CLTCL1: variants seen among roughly 807,000 people sequenced by gnomAD.
The protein encoded by CLTCL1 is clathrin heavy chain like 1, also known as clathrin heavy chain 2.
A neutral mutation model predicts 190.0 loss-of-function variants in CLTCL1; 159 were observed. The observed-to-expected ratio is 0.84, with a 90% CI of 0.74 to 0.95. The LOEUF (loss-of-function observed/expected upper bound fraction) is 0.95. CLTCL1 is among the 40% of genes least tolerant of loss of function. The pLI is 0.00. For synonymous variants in CLTCL1, 752 were observed against 769.6 expected, an observed-to-expected ratio of 0.98 and a Z score of 0.38; for missense variants, 1,878 against 2,033.4, an observed-to-expected ratio of 0.92 and a Z score of 1.47.
chr22:19,234,781 G>A (rs1414851307), intron 6 of CLTCL1, 75 bp from the exon 7 acceptor site: 59 of 1,282,060 alleles, frequency 4.6e-5, no homozygotes, highest in Middle Eastern at 1.9e-4. Flanking sequence ...GTTCCCTTCC[G>A]ATGCTGGAGT....
At chr22:19,279,776 T>TA (rs1463588815) in intron 1 of CLTCL1, among the ~76,000 whole-genome samples, 4 of 152,242 alleles carry the variant, frequency 2.6e-5, no homozygotes, top group African/African-American at 9.6e-5. Flanking sequence ...CATATTTACT[T>TA]AATCTCTTGT....
chr22:19,251,623 A>AT (rs1555970072), intron 3 of CLTCL1, among the ~76,000 whole-genome samples: 2 of 152,038 alleles, frequency 1.3e-5, no homozygotes, highest in African/African-American at 2.4e-5. Context: ...TGCCCGGCTA[A>AT]TTTTTTGTAT....
At chr22:19,280,776 G>A (rs574225927) in intron 1 of CLTCL1, among the ~76,000 whole-genome samples, 76 of 135,790 alleles carry the variant, frequency 5.6e-4, no homozygotes, top group South Asian at 1.2e-3. Context: ...CTGAGATTGT[G>A]CCACTGTACT....
intron 1 of CLTCL1, among the ~76,000 whole-genome samples, chr22:19,280,039 G>C (rs1235867115): frequency 1.3e-5 from 2 of 152,062 alleles, no homozygotes; most frequent in Non-Finnish European, 2.9e-5. Context: ...TCATATACAG[G>C]GACTGTTTTA....
rs782624729 is a variant in CLTCL1, at chr22:19,233,308, G to A, written c.1379C>T (p.Ser460Leu). Residue 460 changes from serine (S) to leucine (L), a missense_variant, in exon 9 of 33, where the codon TCA becomes TTA. Coordinates refer to ENST00000427926, the MANE Select transcript of CLTCL1 (RefSeq NM_007098.4). Reference sequence around the variant, plus strand: ...TTTGACCAAGTCTCCGAGCTCCTCTGAGCACTCCAGCTGTGGTATGCCAAG... The same window carrying A: ...TTTGACCAAGTCTCCGAGCTCCTCTAAGCACTCCAGCTGTGGTATGCCAAG... ...KWLKEDKLEC[S>L]EELGDLVKTT... 3 of 1,613,090 alleles carry A rather than the reference G, an allele frequency of 1.9e-6. No individual in the cohort carries two copies. The African/African-American group carries it at 4.0e-5, about 22-fold the overall frequency.
rs377448902 is a variant in CLTCL1, at chr22:19,233,768, G to A, written c.1168-146C>T. 91 of 693,118 alleles carry A rather than the reference G, an allele frequency of 1.3e-4. No individual in the cohort carries two copies. In the African/African-American group the frequency reaches 1.5e-3, roughly 11 times the overall value. The allele number at this position is 693,118 out of a possible 1,614,324, so 42.9% of individuals were successfully genotyped here. On this transcript the variant is annotated intron_variant, in intron 7 of 32. Coordinates refer to ENST00000427926, the MANE Select transcript of CLTCL1 (RefSeq NM_007098.4). ...CAAAAAGTCCTCTACCAAGGCAACT[G>A]CTTCTATCTTCAACAATAACCATAA...
At chr22:19,277,857 A>G (rs1458244359) in intron 1 of CLTCL1, among the ~76,000 whole-genome samples, 1 of 152,150 alleles carries the variant, frequency 6.6e-6, no homozygotes, top group Non-Finnish European at 1.5e-5. Flanking sequence ...TCAGTCCCAT[A>G]AGACTGACTA....
chr22:19,266,596 A>G (rs1555978047), intron 2 of CLTCL1, among the ~76,000 whole-genome samples: 1 of 152,216 alleles, frequency 6.6e-6, no homozygotes, highest in African/African-American at 2.4e-5. Context: ...TTACAAAGTC[A>G]CAAAAGGACA....
intron 3 of CLTCL1, among the ~76,000 whole-genome samples, chr22:19,248,229 G>A (rs951281697): frequency 1.3e-5 from 2 of 151,988 alleles, no homozygotes; most frequent in African/African-American, 2.4e-5. Context: ...CCCGGGAGGC[G>A]GAGGTTGCGG....
chr22:19,234,512 TG>T lies in CLTCL1; in HGVS notation c.1163del (p.Pro388GlnfsTer46), dbSNP rs1555960862. ...AACAGTATTCAAGGTTTATCACCTTTGGTGCAGACGCTGCAACTTTGGCGGC... is the reference window on the plus strand; with the variant it reads ...AACAGTATTCAAGGTTTATCACCTTTGTGCAGACGCTGCAACTTTGGCGGC... Reference protein sequence around the residue: ...AEAAKVAASAPKGILRTRETV... With the variant: ...AEAAKVAASAXKGILRTRETV... On this transcript the variant is annotated frameshift_variant, in exon 7 of 33. Coordinates refer to ENST00000427926, the MANE Select transcript of CLTCL1 (RefSeq NM_007098.4). LOFTEE classifies it high-confidence loss of function. The T allele has an allele frequency of 2.5e-6, 4 of 1,612,010 alleles. No homozygotes were observed. In the South Asian group the frequency reaches 4.4e-5, roughly 18 times the overall value.
chr22:19,223,921 G>A lies in CLTCL1; in HGVS notation c.2262C>T (p.Tyr754=), dbSNP rs2085655783. The A allele has an allele frequency of 3.1e-6, 5 of 1,613,914 alleles. No homozygotes were observed. In the East Asian group the frequency reaches 1.1e-4, roughly 36 times the overall value. ...GGAAGTTCTTCACACGCTCTGGGTT[G>A]TAGCAGCTGCTCTCTCGGCATATCC... is the stretch of plus-strand genomic sequence containing the variant. ...VERICRESSC[Y]NPERVKNFLK... Residue 754 remains tyrosine, a synonymous_variant, in exon 14 of 33, where the codon TAC becomes TAT. Coordinates refer to ENST00000427926, the MANE Select transcript of CLTCL1 (RefSeq NM_007098.4).
chr22:19,208,105 G>A (rs782741945), intron 22 of CLTCL1, 49 bp downstream of exon 22: 1 of 1,610,104 alleles, frequency 6.2e-7, no homozygotes. Flanking sequence ...GAACATCCCT[G>A]GACCTAAATC....
chr22:19,224,977 G>A (rs1555954939), intron 13 of CLTCL1, among the ~76,000 whole-genome samples: 2 of 152,180 alleles, frequency 1.3e-5, no homozygotes, highest in African/African-American at 2.4e-5. Context: ...TGTCCAAGAA[G>A]GGGAAAGGAA....
intron 27 of CLTCL1, among the ~76,000 whole-genome samples, chr22:19,190,840 C>T (rs775402294): frequency 2.0e-5 from 3 of 151,144 alleles, no homozygotes; most frequent in South Asian, 2.1e-4. Context: ...TGCAGTGGCA[C>T]GATCTTGGCT....
intron 1 of CLTCL1, among the ~76,000 whole-genome samples, chr22:19,290,705 C>A (rs534205918): frequency 6.6e-6 from 1 of 152,354 alleles, no homozygotes; most frequent in Admixed American, 6.5e-5. Context: ...AAAATAGGAA[C>A]TTTCAAGCAA....
chr22:19,208,159 G>A lies in CLTCL1; in HGVS notation c.3595C>T (p.Gln1199Ter), dbSNP rs782638983. 13 of 1,613,734 alleles carry A rather than the reference G, an allele frequency of 8.1e-6. No individual in the cohort carries two copies. The East Asian group carries it at 2.0e-4, about 25-fold the overall frequency. ...FINGPNNAHI[Q>*]QVGDRCYEEG... ...CCCCAGGGGGCATGGCCTACCTGCT[G>A]GATGTGGGCATTGTTGGGTCCATTA... The change falls in exon 22 of 33, where the codon CAG becomes TAG. Residue 1199 changes from glutamine (Q) to a stop codon, truncating the protein, a stop_gained. Transcript: ENST00000427926. LOFTEE classifies it high-confidence loss of function.
intron 2 of CLTCL1, among the ~76,000 whole-genome samples, chr22:19,260,390 G>A (rs561794169): frequency 6.6e-6 from 1 of 152,064 alleles, no homozygotes; most frequent in South Asian, 2.1e-4. Context: ...CAGAAGACAG[G>A]TTAACTCTCT....
Position 19,196,558 on chromosome 22 carries a change from G to A in CLTCL1, c.3972C>T (p.Tyr1324=), listed in dbSNP as rs2084712968. Residue 1324 remains tyrosine, a synonymous_variant, in exon 25 of 33, where the codon TAC becomes TAT. Transcript: ENST00000427926. ...GCATCTTCTGTGGCTTGAATTTGGA[G>A]TAGAGGATGGCCAGCTCAGTGAACA... is the stretch of plus-strand genomic sequence containing the variant. The part of the protein sequence containing the change: ...MGMFTELAIL[Y]SKFKPQKMLE... 1 of 1,613,972 alleles carries A rather than the reference G, an allele frequency of 6.2e-7. No homozygotes were observed. Among genetic ancestry groups the A allele is most frequent in the South Asian group, 1.1e-5 (1 of 91,074 alleles).
chr22:19,267,305 A>G (rs1287944867), intron 2 of CLTCL1, among the ~76,000 whole-genome samples: 1 of 152,226 alleles, frequency 6.6e-6, no homozygotes, highest in Non-Finnish European at 1.5e-5. Flanking sequence ...GCAAAACATC[A>G]CTGAAAGAAA....
Sources: gnomAD v4.1 joint callset for allele counts (sites outside exome capture counted in the v4.1 genomes callset) on GRCh38, gnomAD v4.1.1 for gene constraint, MANE v1.5 for transcripts, NCBI Gene and HGNC (gene_info 2026-07-23, HGNC 2026-07-21) for gene names.